ELMO1: variants seen among roughly 807,000 people sequenced by gnomAD.
ELMO1 encodes engulfment and cell motility protein 1.
In ELMO1, 26 loss-of-function variants were observed where a neutral mutation model predicts 98.9. That is an observed-to-expected ratio of 0.26 (90% CI 0.19 to 0.36). The LOEUF is 0.36. Among genes scored for constraint, ELMO1 ranks in the 10% least tolerant of loss-of-function variants. The pLI is 1.00. For synonymous variants in ELMO1, 346 were observed against 346.0 expected (o/e 1.00, Z 0.00); for missense variants, 627 against 935.2 (o/e 0.67, Z 4.30).
At position 37,388,831 on chromosome 7, in the gene ELMO1, C is replaced by T. The variant is rs144963926; in HGVS notation, c.-73-46068G>A. 2.5e-4 allele frequency among the ~76,000 whole-genome samples: 38 copies of T among 152,166 alleles called. No homozygotes were observed. In the East Asian group the frequency reaches 5.0e-3, roughly 20 times the overall value. ...AAAAGTTTTTAAAATAAAAATACCG[C>T]CGTCACCTGACCCACACAAAAGACG... On this transcript the variant is annotated intron_variant, in intron 1 of 21. Coordinates refer to ENST00000310758, the MANE Select transcript of ELMO1 (RefSeq NM_014800.11).
intron 16 of ELMO1, among the ~76,000 whole-genome samples, chr7:36,991,593 T>A (rs944632499): frequency 1.3e-5 from 2 of 152,158 alleles, no homozygotes; most frequent in Non-Finnish European, 2.9e-5. Context: ...CTTTTTATCC[T>A]CAAAGGGAGA....
intron 1 of ELMO1, among the ~76,000 whole-genome samples, chr7:37,386,741 G>A (rs553640300): frequency 6.6e-6 from 1 of 152,224 alleles, no homozygotes; most frequent in African/African-American, 2.4e-5. Flanking sequence ...TCAGTCAGGC[G>A]TGCAGCCCGA....
In ELMO1 at chr7:37,428,720, A is replaced by G. The variant is rs200046198; in HGVS notation, c.-74+19955T>C. Among the ~76,000 whole-genome samples the G allele has an allele frequency of 6.6e-5, 10 of 152,270 alleles. No individual in the cohort carries two copies. In the East Asian group the frequency reaches 1.9e-3, roughly 29 times the overall value. ...TTGCTGCTCAGAAGATCAGCTTTTTACTTTTTAATTAACATTCTGTCCTAA... is the reference window on the plus strand; with the variant it reads ...TTGCTGCTCAGAAGATCAGCTTTTTGCTTTTTAATTAACATTCTGTCCTAA... On this transcript the variant is annotated intron_variant, in intron 1 of 21. Transcript: ENST00000310758.
intron 1 of ELMO1, among the ~76,000 whole-genome samples, chr7:37,416,724 G>A (rs1002835789): frequency 6.6e-6 from 1 of 152,200 alleles, no homozygotes; most frequent in African/African-American, 2.4e-5. Context: ...AACGAAGAAA[G>A]TATCTCTAGT....
chr7:37,171,510 T>TTG (rs1790160758), intron 13 of ELMO1, among the ~76,000 whole-genome samples: 2 of 141,570 alleles, frequency 1.4e-5, no homozygotes, highest in African/African-American at 5.2e-5. Context: ...TTTTTTTTTT[T>TTG]GAGACAGAGT....
At chr7:37,025,066 C>T (rs1371141006) in intron 15 of ELMO1, among the ~76,000 whole-genome samples, 1 of 152,190 alleles carries the variant, frequency 6.6e-6, no homozygotes, top group Admixed American at 6.5e-5. Flanking sequence ...TCTGTGTTTG[C>T]TCTTTTCCTT....
chr7:37,156,965 C>T (rs758104556), intron 13 of ELMO1, among the ~76,000 whole-genome samples: 16 of 152,196 alleles, frequency 1.1e-4, no homozygotes, highest in African/African-American at 2.2e-4. Context: ...AAAGCTTATC[C>T]ACCACGAGCA....
chr7:37,414,604 T>C (rs1282550201), intron 1 of ELMO1, among the ~76,000 whole-genome samples: 2 of 152,222 alleles, frequency 1.3e-5, no homozygotes, highest in Non-Finnish European at 2.9e-5. Flanking sequence ...AGTCCAATCC[T>C]GTTTGGCAGA....
chr7:36,933,320 C>A (rs1353122792), intron 16 of ELMO1, among the ~76,000 whole-genome samples: 1 of 152,104 alleles, frequency 6.6e-6, no homozygotes, highest in Non-Finnish European at 1.5e-5. Context: ...GTCCAAGGTG[C>A]CCCAGACAGG....
At chr7:37,016,108 T>C (rs1793914163) in intron 15 of ELMO1, among the ~76,000 whole-genome samples, 2 of 152,168 alleles carry the variant, frequency 1.3e-5, no homozygotes. Flanking sequence ...AATCACATTA[T>C]CACAGTATCA....
chr7:37,109,856 T>C (rs1785151116), intron 14 of ELMO1, among the ~76,000 whole-genome samples: 1 of 152,220 alleles, frequency 6.6e-6, no homozygotes, highest in African/African-American at 2.4e-5. Context: ...GAGACTCAAA[T>C]ATATTTCTTC....
intron 16 of ELMO1, among the ~76,000 whole-genome samples, chr7:37,002,557 T>C (rs1314079020): frequency 2.0e-5 from 3 of 152,226 alleles, no homozygotes; most frequent in African/African-American, 4.8e-5. Flanking sequence ...AATTTCTAAG[T>C]AGAAACTTAC....
At chr7:37,203,847 TG>T (rs753408114) in intron 13 of ELMO1, among the ~76,000 whole-genome samples, 5 of 152,082 alleles carry the variant, frequency 3.3e-5, no homozygotes, top group Admixed American at 6.5e-5. Context: ...CAGAGCTGAA[TG>T]GCTTTCCTCT....
At chr7:36,943,795 C>T (rs769967214) in intron 16 of ELMO1, among the ~76,000 whole-genome samples, 1 of 152,178 alleles carries the variant, frequency 6.6e-6, no homozygotes, top group African/African-American at 2.4e-5. Context: ...AACCTTAACC[C>T]CAGTTCTGAA....
chr7:36,881,441 C>T lies in ELMO1; in HGVS notation c.1715-3324G>A, dbSNP rs188171382. Among the ~76,000 whole-genome samples, 362 of 152,264 alleles carry T rather than the reference C, an allele frequency of 2.4e-3. 3 individuals are homozygous for T. The highest frequency in any genetic ancestry group is 8.3e-3 in the African/African-American group (343 of 41,538). On this transcript the variant is annotated intron_variant, in intron 18 of 21. Coordinates refer to ENST00000310758, the MANE Select transcript of ELMO1 (RefSeq NM_014800.11). Reference sequence around the variant, plus strand: ...GCATGATGTTACTTGTTCCTTTATCCCTCTGGGCGATGAAAGAGTGAATTG... The same window carrying T: ...GCATGATGTTACTTGTTCCTTTATCTCTCTGGGCGATGAAAGAGTGAATTG...
rs531050368 is a variant in ELMO1, at chr7:36,964,952, T to C, written c.1437+48347A>G. 5.9e-5 allele frequency among the ~76,000 whole-genome samples: 9 copies of C among 152,324 alleles called. No homozygotes were observed. In the East Asian group the frequency reaches 1.7e-3, roughly 29 times the overall value. ...GTACAAGTTCTCCAACTGGCCTTGCTTCCCTCTGACCTCTTGGCCACTATC... is the reference window on the plus strand; with the variant it reads ...GTACAAGTTCTCCAACTGGCCTTGCCTCCCTCTGACCTCTTGGCCACTATC... On this transcript the variant is annotated intron_variant, in intron 16 of 21. Transcript: ENST00000310758.
At chr7:37,371,322 A>G (rs1429743486) in intron 1 of ELMO1, among the ~76,000 whole-genome samples, 1 of 152,200 alleles carries the variant, frequency 6.6e-6, no homozygotes, top group African/African-American at 2.4e-5. Context: ...TATTGCTAGC[A>G]TTCTATTTCT....
chr7:36,986,387 G>T, intron 16 of ELMO1: 1 of 382,744 alleles, frequency 2.6e-6, no homozygotes, highest in Non-Finnish European at 3.6e-6. Flanking sequence ...TAAACCCATA[G>T]CTCCCCGTCT....
intron 16 of ELMO1, among the ~76,000 whole-genome samples, chr7:36,964,972 A>G (rs974501378): frequency 1.4e-4 from 21 of 152,154 alleles, no homozygotes; most frequent in Admixed American, 7.9e-4. Flanking sequence ...CCTCTTGGCC[A>G]CTATCACCCC....
Sources: allele counts gnomAD v4.1 joint callset (sites outside exome capture counted in the v4.1 genomes callset), GRCh38; gene constraint gnomAD v4.1.1; transcripts MANE v1.5; gene names NCBI Gene and HGNC (gene_info 2026-07-23, HGNC 2026-07-21).